Variants in ZNF521 observed in about 807,000 individuals in gnomAD.
ZNF521 encodes the protein zinc finger protein 521.
In ZNF521, 14 loss-of-function variants were observed where a neutral mutation model predicts 105.5. That is an observed-to-expected ratio of 0.13 (90% CI 0.09 to 0.21). The LOEUF (loss-of-function observed/expected upper bound fraction) is 0.21. Among genes scored for constraint, ZNF521 ranks in the 10% least tolerant of loss-of-function variants. The pLI, the probability that ZNF521 is intolerant of heterozygous loss-of-function variation, is 1.00. For missense variants in ZNF521, 1,233 were observed against 1,629.7 expected (o/e 0.76, Z 4.19); for synonymous variants, 635 against 606.0 (o/e 1.05, Z -0.70).
intron 5 of ZNF521, among the ~76,000 whole-genome samples, chr18:25,093,824 G>GT (rs148495658): frequency 0.14 from 20,714 of 152,028 alleles, 1,587 homozygotes; most frequent in Middle Eastern, 0.2. Context: ...AAGATCAAGG[G>GT]TTTTTTCATC....
intron 3 of ZNF521, among the ~76,000 whole-genome samples, chr18:25,289,251 T>C (rs1161469591): frequency 6.6e-6 from 1 of 152,246 alleles, no homozygotes; most frequent in Admixed American, 6.5e-5. Context: ...ACCAGCAATC[T>C]TGTAAATCTT....
chr18:25,101,613 G>C (rs1021649314), intron 5 of ZNF521, among the ~76,000 whole-genome samples: 11 of 152,140 alleles, frequency 7.2e-5, no homozygotes, highest in Middle Eastern at 3.2e-3. Context: ...CTTTGGACAG[G>C]CCACTGAATG....
chr18:25,250,007 C>T (rs953171678), intron 3 of ZNF521, among the ~76,000 whole-genome samples: 1 of 152,130 alleles, frequency 6.6e-6, no homozygotes, highest in Non-Finnish European at 1.5e-5. Flanking sequence ...GGCGCAATCT[C>T]GGCTAACTGC....
chr18:25,333,765 A>G (rs1913722366), intron 2 of ZNF521, among the ~76,000 whole-genome samples: 1 of 152,232 alleles, frequency 6.6e-6, no homozygotes, highest in Admixed American at 6.5e-5. Context: ...TCAGGATGGT[A>G]AAGTGCCTTA....
intron 7 of ZNF521, among the ~76,000 whole-genome samples, chr18:25,088,011 G>T (rs939014014): frequency 3.3e-5 from 5 of 152,114 alleles, no homozygotes; most frequent in Non-Finnish European, 7.4e-5. Context: ...GAAGCACGAA[G>T]TTGCCCCAGG....
chr18:25,299,230 A>C lies in ZNF521; in HGVS notation c.220+22778T>G, dbSNP rs1911492304. Among the ~76,000 whole-genome samples the C allele has an allele frequency of 2.6e-5, 4 of 152,292 alleles. No homozygotes were observed. In the South Asian group the frequency reaches 8.3e-4, roughly 32 times the overall value. On this transcript the variant is annotated intron_variant, in intron 3 of 7. Coordinates refer to ENST00000361524, the MANE Select transcript of ZNF521 (RefSeq NM_015461.3). ...ATGAGGTCTGGGTAGGAAACCATAC[A>C]CAGAATACTAACATGTAACTTTACA...
At chr18:25,280,545 C>A (rs1195045018) in intron 3 of ZNF521, among the ~76,000 whole-genome samples, 1 of 152,066 alleles carries the variant, frequency 6.6e-6, no homozygotes, top group Non-Finnish European at 1.5e-5. Context: ...CAGACACACA[C>A]ACAAGTCAGA....
At chr18:25,088,306 C>T (rs1475538874) in intron 7 of ZNF521, among the ~76,000 whole-genome samples, 4 of 150,730 alleles carry the variant, frequency 2.7e-5, no homozygotes, top group South Asian at 2.1e-4. Flanking sequence ...AGCTCCGCCT[C>T]CCGGGTTCAT....
chr18:25,247,513 C>T lies in ZNF521; in HGVS notation c.221-19816G>A, dbSNP rs76675883. Reference sequence around the variant, plus strand: ...TTTTTAAAATATTGATGCTTCTACTCCACTCCTAGAAATTCTTATCGCATT... The same window carrying T: ...TTTTTAAAATATTGATGCTTCTACTTCACTCCTAGAAATTCTTATCGCATT... On this transcript the variant is annotated intron_variant, in intron 3 of 7. Coordinates refer to ENST00000361524, the MANE Select transcript of ZNF521 (RefSeq NM_015461.3). Among the ~76,000 whole-genome samples the T allele has an allele frequency of 3.2e-3, 486 of 152,296 alleles. 2 individuals carry two copies. The highest frequency in any genetic ancestry group is 0.011 in the African/African-American group (474 of 41,574).
At chr18:25,271,531 C>T (rs1386321744) in intron 3 of ZNF521, among the ~76,000 whole-genome samples, 1 of 152,164 alleles carries the variant, frequency 6.6e-6, no homozygotes, top group African/African-American at 2.4e-5. Context: ...TACAAGGCTA[C>T]AGTAACCAAA....
At chr18:25,299,639 T>G (rs1193483654) in intron 3 of ZNF521, among the ~76,000 whole-genome samples, 1 of 152,228 alleles carries the variant, frequency 6.6e-6, no homozygotes, top group African/African-American at 2.4e-5. Context: ...CTAATGCTTC[T>G]TTTATAAATA....
chr18:25,208,546 T>A (rs2036122521), intron 4 of ZNF521, among the ~76,000 whole-genome samples: 1 of 150,594 alleles, frequency 6.6e-6, no homozygotes, highest in Non-Finnish European at 1.5e-5. Context: ...TTTCCTTCCC[T>A]CCCTCCCTTA....
chr18:25,088,193 A>G (rs188186713), intron 7 of ZNF521, among the ~76,000 whole-genome samples: 4 of 152,120 alleles, frequency 2.6e-5, no homozygotes, highest in Admixed American at 2.6e-4. Flanking sequence ...AATACTCATA[A>G]TAACAGAATA....
At chr18:25,239,411 T>C (rs1210897973) in intron 3 of ZNF521, among the ~76,000 whole-genome samples, 1 of 152,228 alleles carries the variant, frequency 6.6e-6, no homozygotes, top group Non-Finnish European at 1.5e-5. Context: ...GTCTGTCTGC[T>C]AAACTTTTGT....
chr18:25,258,015 G>C (rs1211425157), intron 3 of ZNF521, among the ~76,000 whole-genome samples: 2 of 151,870 alleles, frequency 1.3e-5, no homozygotes, highest in East Asian at 3.9e-4. Context: ...AATTTCTTTT[G>C]GTTTATCTGC....
At chr18:25,245,830 T>C (rs1022567460) in intron 3 of ZNF521, among the ~76,000 whole-genome samples, 1 of 151,860 alleles carries the variant, frequency 6.6e-6, no homozygotes, top group African/African-American at 2.4e-5. Context: ...CTGAGCAACA[T>C]AGTGAGACCC....
chr18:25,126,184 A>G (rs886382071), intron 5 of ZNF521, among the ~76,000 whole-genome samples: 10 of 151,964 alleles, frequency 6.6e-5, no homozygotes, highest in Non-Finnish European at 1.5e-4. Flanking sequence ...TAACCCCTAA[A>G]CAGGTCTCAC....
intron 3 of ZNF521, among the ~76,000 whole-genome samples, chr18:25,275,776 C>A (rs1188619064): frequency 3.9e-5 from 6 of 152,272 alleles, no homozygotes; most frequent in Admixed American, 3.9e-4. Context: ...ATTGCCTACG[C>A]CACGGAGACA....
At chr18:25,141,817 C>G (rs2034853303) in intron 5 of ZNF521, among the ~76,000 whole-genome samples, 1 of 152,032 alleles carries the variant, frequency 6.6e-6, no homozygotes, top group African/African-American at 2.4e-5. Flanking sequence ...AAAATAAGCC[C>G]CAGTTTTCCA....
Sources: gnomAD v4.1 joint callset for allele counts (sites outside exome capture counted in the v4.1 genomes callset) on GRCh38, gnomAD v4.1.1 for gene constraint, MANE v1.5 for transcripts, NCBI Gene and HGNC (gene_info 2026-07-23, HGNC 2026-07-21) for gene names.